The following DYSF variants were observed in gnomAD, a reference collection of about 807,000 sequenced individuals.
DYSF encodes the protein dysferlin.
In DYSF, 212 loss-of-function variants were observed where a neutral mutation model predicts 274.9. The ratio of observed to expected loss-of-function variants is 0.77; its 90% CI spans 0.69 to 0.86. The LOEUF (loss-of-function observed/expected upper bound fraction) is 0.86. Among genes scored for constraint, DYSF ranks in the 40% least tolerant of loss-of-function variants. DYSF has a pLI of 0.00. For missense variants in DYSF, 2,666 were observed against 2,783.2 expected (o/e 0.96, Z 0.95); for synonymous variants, 1,091 against 1,078.7 (o/e 1.01, Z -0.22).
rs768424446 is a variant in DYSF at position 71,612,665 on chromosome 2, TG to T, written c.4247del (p.Cys1416SerfsTer50). 3.7e-6 allele frequency: 6 copies of T among 1,614,032 alleles called. No individual in the cohort carries two copies. The highest frequency in any genetic ancestry group is 1.3e-5 in the African/African-American group (1 of 74,932). On this transcript the variant is annotated frameshift_variant, in exon 39 of 56. Transcript: ENST00000410020. LOFTEE classifies it high-confidence loss of function. ...EVMLPREELYCPPITVKVIDN... is the reference protein window; with the variant it reads ...EVMLPREELYXPPITVKVIDN... ...GATGCTGCCCAGGGAGGAGCTCTAC[TG>T]CCCCCCCATCACCGTCAAGGTCATC... is the stretch of plus-strand genomic sequence containing the variant.
At chr2:71,586,996 T>C (rs1367687861) in intron 30 of DYSF, among the ~76,000 whole-genome samples, 3 of 152,324 alleles carry the variant, frequency 2.0e-5, no homozygotes, top group African/African-American at 4.8e-5. Flanking sequence ...CTAGAGGTGC[T>C]GAGATGCAGG....
intron 3 of DYSF, among the ~76,000 whole-genome samples, chr2:71,495,762 C>T (rs1396174900): frequency 2.0e-5 from 3 of 152,116 alleles, no homozygotes; most frequent in Admixed American, 6.5e-5. Context: ...CAGCTTAAAC[C>T]GCCACTGACA....
chr2:71,467,027 C>G, intron 1 of DYSF, 94 bp downstream of exon 1: 3 of 1,479,156 alleles, frequency 2.0e-6, no homozygotes, highest in South Asian at 2.5e-5. Context: ...GGAGCTAACC[C>G]TAGTCCAGGC....
chr2:71,580,325 A>G (rs1351982715), intron 30 of DYSF, among the ~76,000 whole-genome samples: 1 of 152,252 alleles, frequency 6.6e-6, no homozygotes, highest in African/African-American at 2.4e-5. Context: ...ACCCTCAGAG[A>G]CAGGCAGCTC....
chr2:71,624,452 C>T (rs1159558722), intron 41 of DYSF, among the ~76,000 whole-genome samples: 2 of 152,160 alleles, frequency 1.3e-5, no homozygotes, highest in East Asian at 1.9e-4. Context: ...TTATACTAGT[C>T]CCTTAAAAGG....
intron 3 of DYSF, among the ~76,000 whole-genome samples, chr2:71,483,881 G>T (rs1392170105): frequency 6.6e-6 from 1 of 151,838 alleles, no homozygotes; most frequent in African/African-American, 2.4e-5. Flanking sequence ...GGATGGTGTT[G>T]GTCTCTTCTG....
At chr2:71,640,167 GTCTATA>G (rs1286008535) in intron 41 of DYSF, among the ~76,000 whole-genome samples, 1 of 152,174 alleles carries the variant, frequency 6.6e-6, no homozygotes, top group Non-Finnish European at 1.5e-5. Flanking sequence ...GCTTCTTTAT[GTCTATA>G]TCACATGAAA....
chr2:71,685,839 T>A (rs563819240), intron 55 of DYSF, among the ~76,000 whole-genome samples: 8 of 152,176 alleles, frequency 5.3e-5, no homozygotes, highest in Non-Finnish European at 1.2e-4. Context: ...TGTGTTTTCA[T>A]GGTTTTTGGG....
intron 1 of DYSF, among the ~76,000 whole-genome samples, chr2:71,469,417 C>T (rs2081803172): frequency 6.6e-6 from 1 of 150,880 alleles, no homozygotes; most frequent in Admixed American, 6.6e-5. Context: ...GGTGTTGTTT[C>T]TGTCAAATTT....
At chr2:71,584,546 T>G (rs72902621) in intron 30 of DYSF, among the ~76,000 whole-genome samples, 2,385 of 152,328 alleles carry the variant, frequency 0.016, 73 homozygotes, top group African/African-American at 0.055. Context: ...TGCTGTCTGA[T>G]GCACCTTGCC....
rs1231224348 is a variant in DYSF, at chr2:71,682,626, C to T, written c.6270C>T (p.Ile2090=). ...RRFRWAIILF[I]ILFILLLFLA... The stretch of plus-strand genomic sequence containing the variant: ...TCCGGTGGGCCATCATCCTCTTCAT[C>T]ATCCTCTTCATCCTGCTGCTGTTCC... Residue 2090 remains isoleucine, a synonymous_variant, in exon 55 of 56, where the codon ATC becomes ATT. Coordinates refer to ENST00000410020, the MANE Select transcript of DYSF (RefSeq NM_001130987.2). The T allele has an allele frequency of 2.5e-6, 4 of 1,614,038 alleles. No individual in the cohort carries two copies. The highest frequency in any genetic ancestry group is 1.3e-5 in the African/African-American group (1 of 74,898).
intron 12 of DYSF, among the ~76,000 whole-genome samples, chr2:71,525,676 T>C (rs1234864682): frequency 4.0e-5 from 6 of 150,624 alleles, no homozygotes; most frequent in African/African-American, 1.5e-4. Context: ...TACATGTTAT[T>C]GGATTCGTTT....
chr2:71,580,897 C>T (rs747218086), intron 30 of DYSF, among the ~76,000 whole-genome samples: 3 of 152,212 alleles, frequency 2.0e-5, no homozygotes, highest in Admixed American at 6.5e-5. Context: ...AAAATGCCAG[C>T]GCCCAGATTC....
chr2:71,659,542 A>G lies in DYSF; in HGVS notation c.4911+509A>G, dbSNP rs532225894. Among the ~76,000 whole-genome samples, 10 of 152,188 alleles carry G rather than the reference A, an allele frequency of 6.6e-5. 1 individual carries two copies. In the East Asian group the frequency reaches 1.9e-3, roughly 29 times the overall value. On this transcript the variant is annotated intron_variant, in intron 44 of 55. Transcript: ENST00000410020. ...CCAGGTAAAAGGGAATGCTGGTAAC[A>G]CTCACCCGGTCTTTATTTAAAATTT... is the stretch of plus-strand genomic sequence containing the variant.
intron 33 of DYSF, 65 bp downstream of exon 33, chr2:71,598,810 C>T: frequency 6.3e-7 from 1 of 1,586,070 alleles, no homozygotes; most frequent in Non-Finnish European, 8.5e-7. Flanking sequence ...GGTGGGGTCT[C>T]CAGGGACTCG....
intron 32 of DYSF, among the ~76,000 whole-genome samples, chr2:71,594,695 C>T (rs774795872): frequency 6.6e-6 from 1 of 152,184 alleles, no homozygotes; most frequent in Non-Finnish European, 1.5e-5. Context: ...TGCCTAAAGT[C>T]TTTGGTGTGT....
At chr2:71,581,369 C>G (rs75410195) in intron 30 of DYSF, among the ~76,000 whole-genome samples, 4,824 of 152,314 alleles carry the variant, frequency 0.032, 282 homozygotes, top group African/African-American at 0.11. Flanking sequence ...GGGTTGCACT[C>G]TCGCCTGCTA....
intron 1 of DYSF, among the ~76,000 whole-genome samples, chr2:71,456,045 G>A (rs535299678): frequency 2.0e-5 from 3 of 152,166 alleles, no homozygotes; most frequent in South Asian, 4.1e-4. Flanking sequence ...CAGCCCCAAG[G>A]GCCTGTGTGT....
chr2:71,651,969 A>G (rs1286577222), intron 42 of DYSF, among the ~76,000 whole-genome samples: 1 of 152,220 alleles, frequency 6.6e-6, no homozygotes, highest in African/African-American at 2.4e-5. Context: ...ATCAAGTAAC[A>G]TATTGGAAAT....
Sources: gnomAD v4.1 joint callset for allele counts (sites outside exome capture counted in the v4.1 genomes callset) on GRCh38, gnomAD v4.1.1 for gene constraint, MANE v1.5 for transcripts, NCBI Gene and HGNC (gene_info 2026-07-23, HGNC 2026-07-21) for gene names.